TAFA1: variants seen among roughly 807,000 people sequenced by gnomAD.
The protein encoded by TAFA1 is TAFA chemokine like family member 1.
Under a neutral mutation model 18.5 loss-of-function variants are expected in TAFA1, and 4 were observed. The ratio of observed to expected loss-of-function variants is 0.22; its 90% confidence interval spans 0.11 to 0.49. TAFA1 has a LOEUF of 0.49. Among genes scored for constraint, TAFA1 ranks in the 20% least tolerant of loss-of-function variants. The pLI is 0.98. For missense variants in TAFA1, 147 were observed against 169.0 expected (o/e 0.87, Z 0.72); for synonymous variants, 56 against 55.2 (o/e 1.01, Z -0.06).
chr3:68,436,769 A>G (rs2071274517), intron 3 of TAFA1, among the ~76,000 whole-genome samples: 1 of 152,196 alleles, frequency 6.6e-6, no homozygotes, highest in African/African-American at 2.4e-5. Flanking sequence ...AAGTCAACAT[A>G]GAGCTTCACA....
intron 2 of TAFA1, among the ~76,000 whole-genome samples, chr3:68,187,534 T>A (rs1327049712): frequency 6.6e-6 from 1 of 152,058 alleles, no homozygotes; most frequent in Non-Finnish European, 1.5e-5. Context: ...AGCTCATCTT[T>A]GCACAGTATG....
At chr3:68,402,076 C>G (rs1185673346) in intron 2 of TAFA1, among the ~76,000 whole-genome samples, 3 of 152,174 alleles carry the variant, frequency 2.0e-5, no homozygotes, top group African/African-American at 7.2e-5. Flanking sequence ...AGAATTTAGC[C>G]AGCCTGCTTT....
intron 2 of TAFA1, among the ~76,000 whole-genome samples, chr3:68,107,078 A>C (rs187742204): frequency 2.0e-4 from 31 of 152,120 alleles, no homozygotes; most frequent in African/African-American, 7.2e-4. Flanking sequence ...TGCTGCAGCC[A>C]AACATTACCA....
chr3:68,006,332 A>T (rs1021810459), intron 1 of TAFA1: 2 of 312,752 alleles, frequency 6.4e-6, no homozygotes, highest in Non-Finnish European at 1.2e-5. Flanking sequence ...ATTTTTAGTC[A>T]GCATGCATTG....
At chr3:68,479,634 G>A (rs1315166423) in intron 3 of TAFA1, among the ~76,000 whole-genome samples, 1 of 152,098 alleles carries the variant, frequency 6.6e-6, no homozygotes, top group Non-Finnish European at 1.5e-5. Context: ...ATATTTGTAG[G>A]AGAGATTCTG....
chr3:68,423,412 C>T (rs962764877), intron 3 of TAFA1, among the ~76,000 whole-genome samples: 3 of 152,068 alleles, frequency 2.0e-5, no homozygotes, highest in African/African-American at 7.2e-5. Context: ...GGGCTGTCTT[C>T]AGGGCTCATC....
At chr3:68,248,378 T>C (rs1056028852) in intron 2 of TAFA1, among the ~76,000 whole-genome samples, 1 of 151,968 alleles carries the variant, frequency 6.6e-6, no homozygotes, top group African/African-American at 2.4e-5. Flanking sequence ...TGTAGATCAT[T>C]AGTGGGGAAA....
At chr3:68,187,385 C>G (rs562867936) in intron 2 of TAFA1, among the ~76,000 whole-genome samples, 2 of 151,920 alleles carry the variant, frequency 1.3e-5, no homozygotes, top group Non-Finnish European at 2.9e-5. Context: ...CACCTTCATC[C>G]CTGGCCAAAG....
intron 3 of TAFA1, among the ~76,000 whole-genome samples, chr3:68,486,102 G>GTTTTGTTTTATTTTATTTTATTTTA (rs1553696083): frequency 8.2e-6 from 1 of 121,328 alleles, no homozygotes; most frequent in African/African-American, 3.1e-5. Flanking sequence ...ATTTTATTTT[G>GTTTTGTTTTATTTTATTTTATTTTA]TTTTATTTTA....
chr3:67,995,392 AG>A, the TAFA1 span, among the ~76,000 whole-genome samples: 1 of 152,106 alleles, frequency 6.6e-6, no homozygotes, highest in Admixed American at 6.6e-5. Flanking sequence ...GGGCATTTAG[AG>A]TTTTAAAAAC....
intron 2 of TAFA1, among the ~76,000 whole-genome samples, chr3:68,316,752 G>T (rs2068611943): frequency 1.3e-5 from 2 of 152,172 alleles, no homozygotes; most frequent in South Asian, 4.1e-4. Flanking sequence ...CACATAGTAG[G>T]TCTCAATGAA....
intron 2 of TAFA1, among the ~76,000 whole-genome samples, chr3:68,190,071 A>G (rs1329338579): frequency 6.6e-6 from 1 of 151,938 alleles, no homozygotes; most frequent in African/African-American, 2.4e-5. Flanking sequence ...CTGTCAAAAG[A>G]ACTGCTATCA....
At chr3:68,090,548 G>A (rs1486101914) in intron 2 of TAFA1, among the ~76,000 whole-genome samples, 1 of 152,174 alleles carries the variant, frequency 6.6e-6, no homozygotes, top group Non-Finnish European at 1.5e-5. Flanking sequence ...TGTGGGTCTG[G>A]ATAGGAATTC....
At chr3:68,160,540 C>T (rs2065913063) in intron 2 of TAFA1, among the ~76,000 whole-genome samples, 1 of 152,104 alleles carries the variant, frequency 6.6e-6, no homozygotes, top group Middle Eastern at 3.2e-3. Context: ...ATTTAATCTC[C>T]CTATTCATCA....
At chr3:68,026,188 G>A (rs1167681609) in intron 2 of TAFA1, among the ~76,000 whole-genome samples, 1 of 151,862 alleles carries the variant, frequency 6.6e-6, no homozygotes, top group Non-Finnish European at 1.5e-5. Flanking sequence ...CAGGGGCCCT[G>A]GTCCTCTGAA....
At chr3:68,033,053 T>C (rs1365364772) in intron 2 of TAFA1, among the ~76,000 whole-genome samples, 4 of 152,142 alleles carry the variant, frequency 2.6e-5, no homozygotes, top group East Asian at 1.9e-4. Context: ...AAAATATATA[T>C]ACTCAACAGT....
chr3:68,285,823 C>G (rs1045441802), intron 2 of TAFA1, among the ~76,000 whole-genome samples: 2 of 151,966 alleles, frequency 1.3e-5, no homozygotes, highest in African/African-American at 4.8e-5. Flanking sequence ...ATATTTCAAC[C>G]AACAACGTGA....
At chr3:68,087,409 A>G (rs1347025235) in intron 2 of TAFA1, among the ~76,000 whole-genome samples, 2 of 152,164 alleles carry the variant, frequency 1.3e-5, no homozygotes, top group African/African-American at 4.8e-5. Flanking sequence ...TAATACAAGT[A>G]ATACATTTTA....
At chr3:68,318,731 C>A (rs933019387) in intron 2 of TAFA1, among the ~76,000 whole-genome samples, 12 of 152,130 alleles carry the variant, frequency 7.9e-5, no homozygotes, top group African/African-American at 2.9e-4. Context: ...AAACATGAAA[C>A]CTAGTTCTTT....
Sources: gnomAD v4.1 joint callset for allele counts (sites outside exome capture counted in the v4.1 genomes callset) on GRCh38, gnomAD v4.1.1 for gene constraint, MANE v1.5 for transcripts, NCBI Gene and HGNC (gene_info 2026-07-23, HGNC 2026-07-21) for gene names.